The following SPATA16 variants were observed in gnomAD, a reference collection of about 807,000 sequenced individuals.
The protein encoded by SPATA16 is spermatogenesis associated 16.
SPATA16 carries 36 observed loss-of-function variants against 63.3 expected under a neutral mutation model. The ratio of observed to expected loss-of-function variants is 0.57; its 90% CI spans 0.44 to 0.75. The LOEUF (loss-of-function observed/expected upper bound fraction) is 0.75, where lower values mean the gene tolerates loss of function less well. Ranked by LOEUF, SPATA16 falls within the 30% of genes least tolerant of loss-of-function variation. The pLI, the probability that SPATA16 is intolerant of heterozygous loss-of-function variation, is 0.00. For synonymous variants in SPATA16, 203 were observed against 216.7 expected (o/e 0.94, Z 0.56); for missense variants, 646 against 679.3 (o/e 0.95, Z 0.54).
intron 6 of SPATA16, among the ~76,000 whole-genome samples, chr3:172,930,318 G>A (rs938607547): frequency 3.3e-5 from 5 of 152,150 alleles, no homozygotes; most frequent in African/African-American, 1.2e-4. Flanking sequence ...ATCTAGCCAT[G>A]ATTCTTACAT....
chr3:173,126,899 A>C (rs114713926), intron 1 of SPATA16, among the ~76,000 whole-genome samples: 61 of 152,328 alleles, frequency 4.0e-4, no homozygotes, highest in African/African-American at 1.3e-3. Flanking sequence ...TGGACAGTTC[A>C]GTGCTTTGTT....
chr3:173,001,970 T>A (rs1734838180), intron 4 of SPATA16, among the ~76,000 whole-genome samples: 1 of 152,214 alleles, frequency 6.6e-6, no homozygotes, highest in Non-Finnish European at 1.5e-5. Flanking sequence ...CATTCTTCCA[T>A]TCTTTCTACA....
At chr3:173,046,070 G>A (rs1735949594) in intron 3 of SPATA16, among the ~76,000 whole-genome samples, 1 of 151,924 alleles carries the variant, frequency 6.6e-6, no homozygotes. Context: ...ATCTTTGCAA[G>A]TATATACATC....
intron 2 of SPATA16, among the ~76,000 whole-genome samples, chr3:173,062,163 A>ATT (rs1736397321): frequency 6.6e-6 from 1 of 151,436 alleles, no homozygotes; most frequent in South Asian, 2.1e-4. Context: ...TATGCTCTGA[A>ATT]GCATGTAGAT....
chr3:172,892,431 A>G (rs542284047), intron 10 of SPATA16, among the ~76,000 whole-genome samples: 4 of 152,352 alleles, frequency 2.6e-5, no homozygotes, highest in African/African-American at 9.6e-5. Flanking sequence ...TCACACTCAC[A>G]TCAGAGCCAA....
intron 4 of SPATA16, among the ~76,000 whole-genome samples, chr3:172,993,235 G>A (rs529008473): frequency 3.9e-4 from 59 of 151,710 alleles, no homozygotes; most frequent in Non-Finnish European, 7.4e-4. Flanking sequence ...AAATTAAATA[G>A]TGGCAAGTGA....
intron 10 of SPATA16, among the ~76,000 whole-genome samples, chr3:172,891,153 G>T (rs777109949): frequency 3.3e-5 from 5 of 151,944 alleles, no homozygotes; most frequent in Non-Finnish European, 5.9e-5. Context: ...TATTGACAAT[G>T]TATCATTTAA....
At chr3:172,894,000 A>G (rs1464634376) in intron 10 of SPATA16, among the ~76,000 whole-genome samples, 1 of 152,216 alleles carries the variant, frequency 6.6e-6, no homozygotes, top group African/African-American at 2.4e-5. Flanking sequence ...TTGAGGAAAT[A>G]GGAATAAAAT....
intron 3 of SPATA16, among the ~76,000 whole-genome samples, chr3:173,043,791 T>C (rs1735900258): frequency 6.6e-6 from 1 of 152,116 alleles, no homozygotes; most frequent in Non-Finnish European, 1.5e-5. Context: ...CATTTCTCTT[T>C]ATTATTCTCA....
chr3:172,918,365 A>C (rs1237826445), intron 8 of SPATA16, among the ~76,000 whole-genome samples: 1 of 152,208 alleles, frequency 6.6e-6, no homozygotes, highest in Non-Finnish European at 1.5e-5. Flanking sequence ...AGGAAAATAA[A>C]CATAGTGGAA....
chr3:173,058,923 C>A (rs1736312851), intron 2 of SPATA16, among the ~76,000 whole-genome samples: 1 of 151,976 alleles, frequency 6.6e-6, no homozygotes, highest in Non-Finnish European at 1.5e-5. Context: ...AAGCCCAGCT[C>A]CTTTCACCTT....
intron 4 of SPATA16, among the ~76,000 whole-genome samples, chr3:172,977,920 A>G (rs1429966101): frequency 1.3e-5 from 2 of 152,130 alleles, no homozygotes; most frequent in East Asian, 1.9e-4. Context: ...TTGCCTGCAG[A>G]TATGTGTAGT....
At chr3:173,088,260 T>C (rs747778460) in intron 2 of SPATA16, among the ~76,000 whole-genome samples, 1 of 151,742 alleles carries the variant, frequency 6.6e-6, no homozygotes, top group African/African-American at 2.4e-5. Flanking sequence ...AATTTTTGTA[T>C]TTTTAGTAGA....
chr3:172,896,028 TGAAATCAAAG>T (rs1380985397), intron 10 of SPATA16, among the ~76,000 whole-genome samples: 1 of 151,682 alleles, frequency 6.6e-6, no homozygotes, highest in Non-Finnish European at 1.5e-5. Context: ...GGATTGGAAA[TGAAATCAAAG>T]GGAGTCAAAG....
chr3:172,977,625 CTTA>C (rs1180029183), intron 4 of SPATA16, among the ~76,000 whole-genome samples: 1 of 152,072 alleles, frequency 6.6e-6, no homozygotes, highest in African/African-American at 2.4e-5. Flanking sequence ...CTGCATTAAT[CTTA>C]TTAAGTTGAG....
intron 6 of SPATA16, among the ~76,000 whole-genome samples, chr3:172,927,094 A>T (rs1732755892): frequency 6.6e-6 from 1 of 152,192 alleles, no homozygotes; most frequent in Admixed American, 6.5e-5. Flanking sequence ...CCCCTTTTTA[A>T]GCCTCAGAAC....
chr3:173,129,674 A>G (rs918310931), intron 1 of SPATA16, among the ~76,000 whole-genome samples: 2 of 152,128 alleles, frequency 1.3e-5, no homozygotes, highest in Non-Finnish European at 2.9e-5. Context: ...ATACATAAAC[A>G]CACATCTGTA....
intron 4 of SPATA16, among the ~76,000 whole-genome samples, chr3:173,016,413 A>T (rs749656699): frequency 7.9e-5 from 12 of 152,194 alleles, no homozygotes; most frequent in Non-Finnish European, 1.6e-4. Context: ...TTCATGGGTG[A>T]TGATGGTTAG....
At chr3:172,969,466 G>T (rs1158047604) in intron 5 of SPATA16, among the ~76,000 whole-genome samples, 1 of 152,106 alleles carries the variant, frequency 6.6e-6, no homozygotes, top group African/African-American at 2.4e-5. Flanking sequence ...ATATGCCTGG[G>T]GTTGTGCATC....
Sources: allele counts gnomAD v4.1 joint callset (sites outside exome capture counted in the v4.1 genomes callset), GRCh38; gene constraint gnomAD v4.1.1; transcripts MANE v1.5; gene names NCBI Gene and HGNC (gene_info 2026-07-23, HGNC 2026-07-21).